Variants in PRKCZ observed in about 807,000 individuals in gnomAD.
The protein encoded by PRKCZ is protein kinase C zeta type.
Under a neutral mutation model 79.5 loss-of-function variants are expected in PRKCZ, and 33 were observed. The observed-to-expected ratio is 0.41, with a 90% CI of 0.31 to 0.55. The LOEUF (loss-of-function observed/expected upper bound fraction) is 0.55, where lower values mean the gene tolerates loss of function less well. Ranked by LOEUF, PRKCZ falls within the 20% of genes least tolerant of loss-of-function variation. PRKCZ has a pLI of 0.19. For missense variants in PRKCZ, 578 were observed against 813.5 expected, an observed-to-expected ratio of 0.71 and a Z score of 3.52; for synonymous variants, 342 against 320.9, an observed-to-expected ratio of 1.07 and a Z score of -0.70.
At chr1:2,079,966 G>A (rs1417985528) in intron 4 of PRKCZ, among the ~76,000 whole-genome samples, 1 of 152,222 alleles carries the variant, frequency 6.6e-6, no homozygotes, top group Non-Finnish European at 1.5e-5. Context: ...TGCTTTGGGT[G>A]AGGAAGGGGG....
rs554296225 is a variant in PRKCZ at position 2,050,801 on chromosome 1, G to C, written c.71+100G>C. The C allele has an allele frequency of 1.6e-3, 1,301 of 808,342 alleles. 4 individuals carry two copies. Among genetic ancestry groups the C allele is most frequent in the South Asian group, 6.3e-3 (103 of 16,304 alleles). 50.1% of individuals were successfully genotyped at this position (808,342 alleles called of 1,614,324 possible). A position where few individuals can be genotyped will look rare whatever the true frequency, so the allele number is the denominator to read the frequency against. ...TGCGCGAGAGGGAGAGAGGGAAGGGGCGGCGAGGTCGCTGCGGGCCCGGGG... is the reference window on the plus strand; with the variant it reads ...TGCGCGAGAGGGAGAGAGGGAAGGGCCGGCGAGGTCGCTGCGGGCCCGGGG... On this transcript the variant is annotated intron_variant, in intron 1 of 17. Coordinates refer to ENST00000378567, the MANE Select transcript of PRKCZ (RefSeq NM_002744.6).
rs550962892 is a variant in PRKCZ at position 2,080,488 on chromosome 1, G to A, written c.334+20897G>A. Among the ~76,000 whole-genome samples the A allele has an allele frequency of 1.6e-4, 24 of 152,272 alleles. 3 individuals are homozygous for A. In the South Asian group the frequency reaches 4.8e-3, roughly 30 times the overall value. On this transcript the variant is annotated intron_variant, in intron 4 of 17. Transcript: ENST00000378567. Reference sequence around the variant, plus strand: ...ATGCTGCCCCCCGTGCGACCTGGGGGCAGTTTTCAAATGCTTGACCCAGGT... The same window carrying A: ...ATGCTGCCCCCCGTGCGACCTGGGGACAGTTTTCAAATGCTTGACCCAGGT...
At chr1:2,087,856 C>G (rs1049270402) in intron 4 of PRKCZ, among the ~76,000 whole-genome samples, 2 of 152,168 alleles carry the variant, frequency 1.3e-5, no homozygotes, top group African/African-American at 4.8e-5. Context: ...CTGGCCTGTC[C>G]GGGCACCGGG....
At chr1:2,049,022 T>C (rs558835545), upstream of PRKCZ, among the ~76,000 whole-genome samples, 6 of 151,950 alleles carry the variant, frequency 3.9e-5, 1 homozygote, top group South Asian at 1.2e-3. Context: ...AAAAATCAGC[T>C]GGGCATGGTG....
chr1:2,104,700 C>T, intron 4 of PRKCZ: 2 of 985,880 alleles, frequency 2.0e-6, no homozygotes, highest in Non-Finnish European at 2.4e-6. Context: ...TGGGCCTGCC[C>T]TGGCGAGGGG....
intron 4 of PRKCZ, among the ~76,000 whole-genome samples, chr1:2,103,253 C>A (rs1192986344): frequency 6.6e-6 from 1 of 152,222 alleles, no homozygotes; most frequent in Admixed American, 6.5e-5. Flanking sequence ...CTCACCCGGC[C>A]TTGTTCTAAG....
At position 2,063,503 on chromosome 1, in the gene PRKCZ, G is replaced by A. The variant is rs569135683; in HGVS notation, c.334+3912G>A. ...AATTTTTGTACTTTTTGTAGAGACA[G>A]GGTTTCATCATGTTGCCCAGACTGG... is the stretch of plus-strand genomic sequence containing the variant. On this transcript the variant is annotated intron_variant, in intron 4 of 17. Transcript: ENST00000378567. 4.6e-5 allele frequency among the ~76,000 whole-genome samples: 7 copies of A among 152,198 alleles called. No individual in the cohort carries two copies. In the South Asian group the frequency reaches 1.5e-3, roughly 32 times the overall value.
rs778777886 is a variant in PRKCZ, at chr1:2,185,298, A to G, written c.*289A>G. The G allele has an allele frequency of 2.5e-5, 18 of 718,378 alleles. No homozygotes were observed. Among genetic ancestry groups the G allele is most frequent in the Non-Finnish European group, 4.7e-5 (18 of 384,996 alleles). The allele number at this position is 718,378 out of a possible 1,614,324, so 44.5% of individuals were successfully genotyped here. A position where few individuals can be genotyped will look rare whatever the true frequency, so the allele number is the denominator to read the frequency against. The stretch of plus-strand genomic sequence containing the variant: ...GGCTGTCATGCGGTTTCCAAGGTGC[A>G]CATTTTCCACGGAAACAGAACTCGA... On this transcript the variant is annotated 3_prime_UTR_variant, in exon 18 of 18. Coordinates refer to ENST00000378567, the MANE Select transcript of PRKCZ (RefSeq NM_002744.6).
At position 2,174,086 on chromosome 1, in the gene PRKCZ, G is replaced by T; in HGVS notation, c.1405+70G>T. 6.7e-7 allele frequency: 1 copy of T among 1,501,824 alleles called. No individual in the cohort carries two copies. Among genetic ancestry groups the T allele is most frequent in the South Asian group, 1.3e-5 (1 of 77,140 alleles). The allele number at this position is 1,501,824 out of a possible 1,614,324, so 93.0% of individuals were successfully genotyped here. ...TCTTCCTTCCTTTTCAAAGGTGCAG[G>T]TGGAGGGGTCCCGCGGGTGCCTGGA... On this transcript the variant is annotated intron_variant, in intron 14 of 17. Transcript: ENST00000378567. This position sits in a 1 kb window ranked among gnomAD's most constrained non-coding sequence, Gnocchi z 6.2.
intron 10 of PRKCZ, among the ~76,000 whole-genome samples, chr1:2,157,216 T>C (rs1277518765): frequency 1.3e-5 from 2 of 152,114 alleles, no homozygotes; most frequent in Non-Finnish European, 2.9e-5. Context: ...GCCAGTCTAC[T>C]TCAGGGAGGG....
At chr1:2,071,248 T>C in intron 4 of PRKCZ, 1 of 344,152 alleles carries the variant, frequency 2.9e-6, no homozygotes, top group Admixed American at 4.0e-5. Context: ...GAGGAGCTCC[T>C]GGAACATAGT....
At chr1:2,074,264 C>T (rs1261366884) in intron 4 of PRKCZ, 20 of 1,549,554 alleles carry the variant, frequency 1.3e-5, no homozygotes, top group South Asian at 7.1e-5. Context: ...ATGCTCACCC[C>T]GAGGACGGAT....
At chr1:2,098,733 G>A (rs965971885) in intron 4 of PRKCZ, among the ~76,000 whole-genome samples, 3 of 152,182 alleles carry the variant, frequency 2.0e-5, no homozygotes, top group Admixed American at 2.0e-4. Context: ...CCAGGCTGGA[G>A]TGCAGTGGCG....
At position 2,050,422 on chromosome 1, in the gene PRKCZ, G is replaced by GC. The variant is rs922244222; in HGVS notation, c.-203dup. 1 of 184,722 alleles carries GC rather than the reference G, an allele frequency of 5.4e-6. No individual in the cohort carries two copies. The highest frequency in any genetic ancestry group is 1.1e-5 in the Non-Finnish European group (1 of 90,862). 11.4% of individuals were successfully genotyped at this position (184,722 alleles called of 1,614,324 possible). On this transcript the variant is annotated 5_prime_UTR_variant, in exon 1 of 18. Coordinates refer to ENST00000378567, the MANE Select transcript of PRKCZ (RefSeq NM_002744.6). The stretch of plus-strand genomic sequence containing the variant: ...CCTCGGTCCGCCATGTTCGGACACC[G>GC]CCCCCCGCCCCCGCCGGACGGTCCC...
At chr1:2,063,828 G>A (rs1281558041) in intron 4 of PRKCZ, among the ~76,000 whole-genome samples, 1 of 149,792 alleles carries the variant, frequency 6.7e-6, no homozygotes, top group African/African-American at 2.5e-5. Context: ...ATTTTTTCAT[G>A]TGCCTGTTGG....
intron 4 of PRKCZ, chr1:2,104,769 T>TCACTGCTGCCCCCCGGGGCC: frequency 1.0e-6 from 1 of 985,846 alleles, no homozygotes; most frequent in Non-Finnish European, 1.2e-6. Context: ...CCTGCGGGGC[T>TCACTGCTGCCCCCCGGGGCC]CACTGCTGCC....
Position 2,169,574 on chromosome 1 carries a change from G to A in PRKCZ, c.1031G>A (p.Arg344Lys), listed in dbSNP as rs1355056784. Residue 344 changes from arginine to lysine, a missense_variant, in exon 11 of 18, where the codon AGG becomes AAG. Arg to Lys is a conservative substitution (Grantham distance 26). Transcript: ENST00000378567. ...NGGDLMFHMQ[R>K]QRKLPEEHAR... ...GGGGACCTGATGTTCCACATGCAGA[G>A]GCAGAGGAAGCTCCCTGAGGAGCAC... is the stretch of plus-strand genomic sequence containing the variant. 2.0e-6 allele frequency: 3 copies of A among 1,532,598 alleles called. No homozygotes were observed. Among genetic ancestry groups the A allele is most frequent in the Admixed American group, 4.0e-5 (2 of 50,358 alleles). The allele number at this position is 1,532,598 out of a possible 1,614,324, so 94.9% of individuals were successfully genotyped here.
At chr1:2,073,893 A>G (rs1400690601) in intron 4 of PRKCZ, 1 of 1,232,722 alleles carries the variant, frequency 8.1e-7, no homozygotes, top group Non-Finnish European at 1.0e-6. Context: ...CACAGAGCAT[A>G]AAGAATCTGC....
chr1:2,150,821 G>A lies in PRKCZ; in HGVS notation c.719G>A (p.Gly240Glu). Reference sequence around the variant, plus strand: ...AAGCCAGTTATCGATGGGATGGATGGAATCAAAATCTCTCAGGGGCTTGGG... The same window carrying A: ...AAGCCAGTTATCGATGGGATGGATGAAATCAAAATCTCTCAGGGGCTTGGG... ...DLKPVIDGMDGIKISQGLGLQ... is the reference protein window; with the variant it reads ...DLKPVIDGMDEIKISQGLGLQ... Residue 240 changes from glycine (G) to glutamate (E), a missense_variant, in exon 9 of 18, where the codon GGA becomes GAA. By Grantham distance (98) the Gly-to-Glu change is moderately conservative. Around this residue, in one of 4 missense-constraint regions of PRKCZ, gnomAD observed 91 missense variants for 97.5 expected, o/e 0.93. Transcript: ENST00000378567. 1.2e-6 allele frequency: 2 copies of A among 1,614,134 alleles called. No homozygotes were observed. Among genetic ancestry groups the A allele is most frequent in the East Asian group, 2.2e-5 (1 of 44,882 alleles).
Sources: allele counts gnomAD v4.1 joint callset (sites outside exome capture counted in the v4.1 genomes callset), GRCh38; gene constraint gnomAD v4.1.1; regional missense constraint gnomAD v4.1.1; non-coding constraint Gnocchi (gnomAD v3.1); transcripts MANE v1.5; gene names NCBI Gene and HGNC (gene_info 2026-07-23, HGNC 2026-07-21).